Variants in DCLRE1C observed in about 807,000 individuals in gnomAD.
DCLRE1C encodes the protein DNA cross-link repair 1C.
DCLRE1C carries 47 observed loss-of-function variants against 61.4 expected under a neutral mutation model. The observed-to-expected ratio is 0.77, with a 90% CI of 0.61 to 0.98. The LOEUF is 0.98. Among genes scored for constraint, DCLRE1C ranks in the 50% least tolerant of loss-of-function variants. DCLRE1C has a pLI of 0.00. For synonymous variants in DCLRE1C, 337 were observed against 287.6 expected (o/e 1.17, Z -1.74); for missense variants, 858 against 816.0 (o/e 1.05, Z -0.63).
rs1412937178 is a variant in DCLRE1C at position 14,919,781 on chromosome 10, T to C, written c.1113A>G (p.Pro371=). The part of the protein sequence containing the change: ...SSQSTEPKYK[P]LGKLKRARTV... Reference sequence around the variant, plus strand: ...TTCTAGCTCTCTTCAGTTTTCCCAGTGGTTTATACTTTGGCTCCGTACTTT... The same window carrying C: ...TTCTAGCTCTCTTCAGTTTTCCCAGCGGTTTATACTTTGGCTCCGTACTTT... Residue 371 remains proline (P), a synonymous_variant, in exon 13 of 14, where the codon CCA becomes CCG. Coordinates refer to ENST00000378278, the MANE Select transcript of DCLRE1C (RefSeq NM_001033855.3). 10 of 1,614,070 alleles carry C rather than the reference T, an allele frequency of 6.2e-6. No homozygotes were observed. The highest frequency in any genetic ancestry group is 2.7e-5 in the African/African-American group (2 of 75,028).
chr10:14,897,566 C>T, exon 14 of DCLRE1C: 1 of 1,420,186 alleles, frequency 7.0e-7, no homozygotes, highest in Non-Finnish European at 9.3e-7. Context: ...AAGGTTTATA[C>T]TTTTGGAAAA....
chr10:14,923,256 A>G (rs771786255), intron 11 of DCLRE1C, 187 bp from the exon 12 acceptor site: 5 of 595,920 alleles, frequency 8.4e-6, no homozygotes, highest in Non-Finnish European at 1.5e-5. Flanking sequence ...CCTCACTCCC[A>G]AAGATCTCCT....
intron 9 of DCLRE1C, among the ~76,000 whole-genome samples, chr10:14,931,679 A>T (rs994258287): frequency 4.6e-5 from 7 of 152,178 alleles, no homozygotes; most frequent in Non-Finnish European, 8.8e-5. Flanking sequence ...GTGTGAAAAA[A>T]AGTTATGTCT....
At chr10:14,926,958 G>A (rs754443856) in intron 10 of DCLRE1C, 61 bp from the exon 11 acceptor site, 4 of 1,430,174 alleles carry the variant, frequency 2.8e-6, no homozygotes, top group Non-Finnish European at 3.9e-6. Context: ...ACTAAGCAAA[G>A]CTGGCCCTTC....
At chr10:14,953,527 A>G (rs1053778521) in intron 1 of DCLRE1C, among the ~76,000 whole-genome samples, 3 of 151,792 alleles carry the variant, frequency 2.0e-5, no homozygotes, top group Non-Finnish European at 4.4e-5. Flanking sequence ...TTGCTGACCA[A>G]TGTTTGAGGG....
rs1242454995 is a variant in DCLRE1C at position 14,928,201 on chromosome 10, T to C, written c.781-49A>G. ...AAAACAGTTCTACATTTTCTACAAA[T>C]CTGTTGTAGGCAGAGTCTCAAAAAC... On this transcript the variant is annotated intron_variant, in intron 9 of 13. Transcript: ENST00000378278. 4 of 1,567,250 alleles carry C rather than the reference T, an allele frequency of 2.6e-6. No individual in the cohort carries two copies. In the South Asian group the frequency reaches 4.5e-5, roughly 17 times the overall value.
intron 4 of DCLRE1C, among the ~76,000 whole-genome samples, chr10:14,939,570 G>A (rs544323748): frequency 6.0e-4 from 92 of 152,140 alleles, no homozygotes; most frequent in African/African-American, 2.1e-3. Context: ...CTCAGTCTAC[G>A]GTAGTTTTGT....
chr10:14,911,313 C>G (rs1206323333), intron 13 of DCLRE1C: 1 of 152,182 alleles, frequency 6.6e-6, no homozygotes, highest in South Asian at 2.1e-4. Flanking sequence ...TAACCATATA[C>G]TAAATGCTAC....
At chr10:14,920,320 T>C (rs1836887662) in intron 12 of DCLRE1C, 1 of 935,010 alleles carries the variant, frequency 1.1e-6, no homozygotes, top group African/African-American at 1.8e-5. Flanking sequence ...GGCTGAAAGC[T>C]AAGACAAAGT....
At chr10:14,910,044 T>G (rs2131789114) in intron 13 of DCLRE1C, among the ~76,000 whole-genome samples, 1 of 152,336 alleles carries the variant, frequency 6.6e-6, no homozygotes, top group South Asian at 2.1e-4. Context: ...CACCCAAGAC[T>G]ACTGTGTATG....
chr10:14,953,075 G>A (rs566316644), intron 1 of DCLRE1C, among the ~76,000 whole-genome samples: 6 of 152,374 alleles, frequency 3.9e-5, no homozygotes, highest in African/African-American at 1.4e-4. Flanking sequence ...CACACAGCAG[G>A]AGGCAGCAAC....
At chr10:14,953,724 T>C (rs1179733475) in intron 1 of DCLRE1C, among the ~76,000 whole-genome samples, 178 bp downstream of exon 1, 1 of 152,062 alleles carries the variant, frequency 6.6e-6, no homozygotes, top group Non-Finnish European at 1.5e-5. Flanking sequence ...GTTGACCACA[T>C]CCGAAAATAG....
At chr10:14,929,557 A>T (rs537594126) in intron 9 of DCLRE1C, among the ~76,000 whole-genome samples, 1 of 149,518 alleles carries the variant, frequency 6.7e-6, no homozygotes, top group South Asian at 2.1e-4. Flanking sequence ...CAGGAAGATC[A>T]CTTGAGCCTG....
downstream of DCLRE1C, among the ~76,000 whole-genome samples, chr10:14,899,885 A>G (rs1380613101): frequency 1.3e-5 from 2 of 152,234 alleles, no homozygotes; most frequent in Non-Finnish European, 2.9e-5. Flanking sequence ...CCTACCAAAT[A>G]TTAATAGGGT....
chr10:14,953,869 C>G, intron 1 of DCLRE1C, 33 bp downstream of exon 1: 1 of 1,612,856 alleles, frequency 6.2e-7, no homozygotes, highest in Non-Finnish European at 8.5e-7. Context: ...CCCCCAGCGC[C>G]CCGGGAGCGG....
chr10:14,930,396 G>A (rs1042411303), intron 9 of DCLRE1C, among the ~76,000 whole-genome samples: 1 of 147,152 alleles, frequency 6.8e-6, no homozygotes, highest in Non-Finnish European at 1.5e-5. Context: ...GCCTCCCAAA[G>A]TGCTGGGATT....
At chr10:14,946,226 T>C (rs1466987016) in intron 2 of DCLRE1C, among the ~76,000 whole-genome samples, 1 of 151,414 alleles carries the variant, frequency 6.6e-6, no homozygotes, top group Non-Finnish European at 1.5e-5. Flanking sequence ...CAGGCTGGTC[T>C]CGATATCCTG....
At chr10:14,942,628 C>T (rs1417115961) in intron 3 of DCLRE1C, among the ~76,000 whole-genome samples, 1 of 152,192 alleles carries the variant, frequency 6.6e-6, no homozygotes, top group Non-Finnish European at 1.5e-5. Flanking sequence ...TCGGGGAGGG[C>T]AGTGCAGTCC....
At chr10:14,930,236 T>A (rs1279842477) in intron 9 of DCLRE1C, among the ~76,000 whole-genome samples, 1 of 147,876 alleles carries the variant, frequency 6.8e-6, no homozygotes, top group African/African-American at 2.5e-5. Context: ...CTCAGCTTCG[T>A]AAGTATCTGG....
Sources: gnomAD v4.1 joint callset for allele counts (sites outside exome capture counted in the v4.1 genomes callset) on GRCh38, gnomAD v4.1.1 for gene constraint, MANE v1.5 for transcripts, NCBI Gene and HGNC (gene_info 2026-07-23, HGNC 2026-07-21) for gene names.